GLYATL1: variants seen among roughly 807,000 people sequenced by gnomAD.
GLYATL1 encodes glycine N-acyltransferase-like protein 1.
A neutral mutation model predicts 20.0 loss-of-function variants in GLYATL1; 15 were observed. The ratio of observed to expected loss-of-function variants is 0.75; its 90% CI spans 0.50 to 1.15. GLYATL1 has a LOEUF of 1.15. GLYATL1 is among the 50% of genes most tolerant of loss of function. The pLI is 0.00. For missense variants in GLYATL1, 380 were observed against 368.5 expected (o/e 1.03, Z -0.26); for synonymous variants, 151 against 131.5 (o/e 1.15, Z -1.01).
chr11:58,907,439 T>C, exon 2 of GLYATL1: 1 of 452,160 alleles, frequency 2.2e-6, no homozygotes, highest in Non-Finnish European at 4.5e-6. Context: ...TGATGTCTAG[T>C]TCCTTGCAAA....
At chr11:58,937,193 C>G (rs1380903967), upstream of GLYATL1, among the ~76,000 whole-genome samples, 1 of 152,176 alleles carries the variant, frequency 6.6e-6, no homozygotes. Context: ...CTAAAGCCAC[C>G]AGCAGTGCAA....
intron 1 of GLYATL1, among the ~76,000 whole-genome samples, chr11:58,940,691 T>C (rs1264051909): frequency 6.6e-6 from 1 of 152,252 alleles, no homozygotes; most frequent in East Asian, 1.9e-4. Flanking sequence ...TTTGTATTTG[T>C]TTCTGCTAGA....
At chr11:58,942,081 A>G (rs1856200585) in intron 1 of GLYATL1, among the ~76,000 whole-genome samples, 1 of 152,186 alleles carries the variant, frequency 6.6e-6, no homozygotes, top group Non-Finnish European at 1.5e-5. Flanking sequence ...AGGGAGAATG[A>G]TTTTTGTGTT....
chr11:58,929,597 A>T (rs1307900187), intron 1 of GLYATL1, among the ~76,000 whole-genome samples: 1 of 152,040 alleles, frequency 6.6e-6, no homozygotes, highest in Non-Finnish European at 1.5e-5. Flanking sequence ...CCCCCAAATT[A>T]TGATGTTTTT....
At position 58,955,791 on chromosome 11, in the gene GLYATL1, C is replaced by G. The variant is rs766359672; in HGVS notation, c.673C>G (p.Pro225Ala). Residue 225 changes from proline (P) to alanine (A), a missense_variant, in exon 7 of 7, where the codon CCT (proline) becomes GCT (alanine). Physicochemically the swap from Pro to Ala is conservative, Grantham distance 27 (BLOSUM62 -1). Transcript: ENST00000532726. ...GVPVSWVTMD[P>A]SCEVGMAYSM... ...CCCGGTCTCATGGGTAACCATGGAC[C>G]CTTCTTGTGAAGTAGGAATGGCCTA... The G allele has an allele frequency of 6.2e-7, 1 of 1,614,094 alleles. No individual in the cohort carries two copies. Among genetic ancestry groups the G allele is most frequent in the Non-Finnish European group, 8.5e-7 (1 of 1,180,012 alleles).
chr11:58,912,751 C>T (rs907821156), downstream of GLYATL1, among the ~76,000 whole-genome samples: 8 of 152,176 alleles, frequency 5.3e-5, no homozygotes, highest in African/African-American at 1.9e-4. Context: ...AGCCTGGCCC[C>T]TCAGTCAGCA....
At chr11:58,936,226 A>T (rs1438875002), upstream of GLYATL1, among the ~76,000 whole-genome samples, 1 of 152,254 alleles carries the variant, frequency 6.6e-6, no homozygotes, top group Non-Finnish European at 1.5e-5. Context: ...ATTTGTGTAA[A>T]CTAATTCAAC....
intron 1 of GLYATL1, among the ~76,000 whole-genome samples, chr11:58,906,938 A>G (rs1590762983): frequency 6.6e-6 from 1 of 152,210 alleles, no homozygotes; most frequent in African/African-American, 2.4e-5. Flanking sequence ...ATACTGAATC[A>G]GAGTCTGTGA....
chr11:58,909,386 T>C (rs1854985253), downstream of GLYATL1, among the ~76,000 whole-genome samples: 4 of 152,146 alleles, frequency 2.6e-5, no homozygotes, highest in Admixed American at 1.3e-4. Flanking sequence ...TTATGTTAAG[T>C]GTTCTTATTA....
upstream of GLYATL1, among the ~76,000 whole-genome samples, chr11:58,924,753 T>C (rs1467827788): frequency 2.6e-5 from 4 of 152,178 alleles, no homozygotes; most frequent in African/African-American, 9.7e-5. Context: ...TGACCGGTAG[T>C]GTTACCTGGC....
chr11:58,934,413 T>C (rs1400585429), intron 1 of GLYATL1: 3 of 151,596 alleles, frequency 2.0e-5, no homozygotes, highest in Non-Finnish European at 2.9e-5. Context: ...TGTGGTGAGA[T>C]GGGGCCAGTC....
At chr11:58,910,802 G>A (rs552728852), downstream of GLYATL1, among the ~76,000 whole-genome samples, 30 of 152,220 alleles carry the variant, frequency 2.0e-4, no homozygotes, top group South Asian at 1.9e-3. Context: ...TTATTGTTTC[G>A]TTTACATTTA....
chr11:58,914,172 C>G (rs1453833319), intron 1 of GLYATL1, among the ~76,000 whole-genome samples: 1 of 152,166 alleles, frequency 6.6e-6, no homozygotes, highest in African/African-American at 2.4e-5. Context: ...CAGACCCCAC[C>G]ACTCATACCC....
At chr11:58,941,599 C>G (rs2135179943) in intron 1 of GLYATL1, among the ~76,000 whole-genome samples, 1 of 152,148 alleles carries the variant, frequency 6.6e-6, no homozygotes, top group Admixed American at 6.5e-5. Context: ...ATAGGATGGC[C>G]AAAGGAGGCC....
rs536847490 is a variant in GLYATL1 at position 58,946,926 on chromosome 11, A to G, written c.-42-120A>G. The G allele has an allele frequency of 1.5e-4, 116 of 772,264 alleles. No homozygotes were observed. The African/African-American group carries it at 1.7e-3, about 12-fold the overall frequency. The allele number at this position is 772,264 out of a possible 1,614,324, so 47.8% of individuals were successfully genotyped here. ...AGTCCCTCTGAGATTTGGTGTATTC[A>G]GAATGAATATGATACTAACAGTACC... On this transcript the variant is annotated intron_variant, in intron 2 of 6. Transcript: ENST00000532726.
chr11:58,951,012 A>G (rs1398339993), intron 4 of GLYATL1, among the ~76,000 whole-genome samples: 2 of 152,096 alleles, frequency 1.3e-5, no homozygotes, highest in Non-Finnish European at 2.9e-5. Context: ...TATTTTATTG[A>G]TGGAGATTTT....
At chr11:58,948,981 G>A (rs528861936) in intron 4 of GLYATL1, among the ~76,000 whole-genome samples, 139 of 152,240 alleles carry the variant, frequency 9.1e-4, no homozygotes, top group African/African-American at 3.2e-3. Context: ...TTCTTCAGAG[G>A]ATTACACAAG....
intron 3 of GLYATL1, 191 bp from the exon 4 acceptor site, chr11:58,947,667 G>A: frequency 1.7e-6 from 1 of 579,754 alleles, no homozygotes; most frequent in Non-Finnish European, 3.1e-6. Flanking sequence ...TCCTACCTGT[G>A]AGTTCTGCCT....
At chr11:58,927,178 C>G (rs184662793), upstream of GLYATL1, among the ~76,000 whole-genome samples, 327 of 151,466 alleles carry the variant, frequency 2.2e-3, no homozygotes, top group African/African-American at 7.6e-3. Context: ...ATGGGCCCTC[C>G]TTAATCTCTC....
Sources: allele counts gnomAD v4.1 joint callset (sites outside exome capture counted in the v4.1 genomes callset), GRCh38; gene constraint gnomAD v4.1.1; transcripts MANE v1.5; gene names NCBI Gene and HGNC (gene_info 2026-07-23, HGNC 2026-07-21).